The following ADARB2 variants were observed in gnomAD, a reference collection of about 807,000 sequenced individuals.
ADARB2 encodes inactive double-stranded RNA-specific editase B2.
A neutral mutation model predicts 62.2 loss-of-function variants in ADARB2; 25 were observed. The ratio of observed to expected loss-of-function variants is 0.40; its 90% CI spans 0.29 to 0.56. The LOEUF is 0.56. Ranked by LOEUF, ADARB2 falls within the 20% of genes least tolerant of loss-of-function variation. The pLI, the probability that ADARB2 is intolerant of heterozygous loss-of-function variation, is 0.43. For missense variants in ADARB2, 1,071 were observed against 1,077.4 expected, an observed-to-expected ratio of 0.99 and a Z score of 0.08; for synonymous variants, 572 against 500.8, an observed-to-expected ratio of 1.14 and a Z score of -1.90.
At chr10:1,341,863 C>T (rs1832032980) in intron 3 of ADARB2, among the ~76,000 whole-genome samples, 2 of 152,198 alleles carry the variant, frequency 1.3e-5, no homozygotes, top group Non-Finnish European at 2.9e-5. Context: ...CCCACAGCAG[C>T]GATAACCAGC....
At chr10:1,708,518 C>G (rs1159444932) in intron 1 of ADARB2, among the ~76,000 whole-genome samples, 9 of 152,286 alleles carry the variant, frequency 5.9e-5, no homozygotes, top group African/African-American at 1.7e-4. Context: ...TGGCAGACAA[C>G]AAGACACAAG....
At chr10:1,563,159 C>T (rs1348809167) in intron 1 of ADARB2, among the ~76,000 whole-genome samples, 2 of 151,322 alleles carry the variant, frequency 1.3e-5, no homozygotes, top group East Asian at 2.0e-4. Context: ...TGTGACCTCC[C>T]GCACCCTTTG....
At chr10:1,241,532 GGT>G (rs1830923615) in intron 5 of ADARB2, among the ~76,000 whole-genome samples, 1 of 152,156 alleles carries the variant, frequency 6.6e-6, no homozygotes, top group Admixed American at 6.5e-5. Flanking sequence ...CCAGCCTGGG[GGT>G]GTGTCGCGGA....
intron 3 of ADARB2, among the ~76,000 whole-genome samples, chr10:1,324,510 T>C (rs1831825691): frequency 6.6e-6 from 1 of 152,174 alleles, no homozygotes; most frequent in African/African-American, 2.4e-5. Flanking sequence ...GGTTAATGCT[T>C]AGACGAATTG....
chr10:1,669,659 G>A (rs1382183734), intron 1 of ADARB2, among the ~76,000 whole-genome samples: 1 of 135,546 alleles, frequency 7.4e-6, no homozygotes, highest in Non-Finnish European at 1.6e-5. Context: ...TACACACACA[G>A]GGAGACACAA....
chr10:1,353,855 G>C (rs1006105486), intron 3 of ADARB2, among the ~76,000 whole-genome samples: 1 of 152,116 alleles, frequency 6.6e-6, no homozygotes, highest in African/African-American at 2.4e-5. Context: ...AAGACACCCT[G>C]TATTTCACTC....
chr10:1,556,932 A>C (rs1223246393), intron 1 of ADARB2: 1 of 441,744 alleles, frequency 2.3e-6, no homozygotes, highest in Non-Finnish European at 4.7e-6. Context: ...TGGTGACCTC[A>C]ATATTTATGA....
chr10:1,213,232 C>T (rs1837182441), intron 7 of ADARB2, among the ~76,000 whole-genome samples: 1 of 151,498 alleles, frequency 6.6e-6, no homozygotes, highest in Admixed American at 6.6e-5. Flanking sequence ...GAGAAAGAGA[C>T]AGAGAGACAA....
chr10:1,574,565 C>T (rs1025633169), intron 1 of ADARB2, among the ~76,000 whole-genome samples: 8 of 152,018 alleles, frequency 5.3e-5, no homozygotes, highest in South Asian at 2.1e-4. Context: ...GTCAAGGTGT[C>T]GGCAGGGCTG....
At chr10:1,614,641 G>A (rs56688561) in intron 1 of ADARB2, among the ~76,000 whole-genome samples, 7,125 of 152,290 alleles carry the variant, frequency 0.047, 570 homozygotes, top group African/African-American at 0.16. Context: ...GCTGGGCATG[G>A]TGGCTTACGC....
intron 1 of ADARB2, among the ~76,000 whole-genome samples, chr10:1,452,282 T>A (rs950888025): frequency 2.6e-5 from 4 of 152,230 alleles, no homozygotes; most frequent in East Asian, 3.9e-4. Context: ...TCTAAGTCCA[T>A]GGCCCACAAA....
chr10:1,198,551 A>T (rs1286344323), intron 8 of ADARB2, among the ~76,000 whole-genome samples: 1 of 152,268 alleles, frequency 6.6e-6, no homozygotes, highest in Non-Finnish European at 1.5e-5. Flanking sequence ...CTGCAAAATA[A>T]TGAAAACCAG....
chr10:1,526,259 C>CCATT (rs1832140663), intron 1 of ADARB2, among the ~76,000 whole-genome samples: 2 of 152,012 alleles, frequency 1.3e-5, no homozygotes, highest in South Asian at 4.2e-4. Flanking sequence ...GCAGGTGGTG[C>CCATT]AGATGGGGCA....
intron 1 of ADARB2, among the ~76,000 whole-genome samples, chr10:1,381,710 C>T (rs2387658): frequency 9.3e-4 from 141 of 152,144 alleles, no homozygotes; most frequent in African/African-American, 3.3e-3. Context: ...AACTGGAGGA[C>T]CTCATCCTAA....
intron 1 of ADARB2, among the ~76,000 whole-genome samples, chr10:1,412,560 C>A (rs1489259518): frequency 6.6e-6 from 1 of 152,040 alleles, no homozygotes; most frequent in Admixed American, 6.6e-5. Context: ...TTCCTTTGAG[C>A]CAACGCATAA....
intron 1 of ADARB2, among the ~76,000 whole-genome samples, chr10:1,595,989 G>A (rs1408880130): frequency 6.6e-6 from 1 of 152,194 alleles, no homozygotes; most frequent in African/African-American, 2.4e-5. Context: ...CTCTGCCTAC[G>A]GCTTTGTGGT....
At chr10:1,715,645 T>C (rs924755385) in intron 1 of ADARB2, among the ~76,000 whole-genome samples, 2 of 152,160 alleles carry the variant, frequency 1.3e-5, no homozygotes, top group African/African-American at 4.8e-5. Context: ...AATCATATGC[T>C]AGTTCTTATT....
intron 1 of ADARB2, among the ~76,000 whole-genome samples, chr10:1,430,721 C>T (rs1370562055): frequency 2.0e-5 from 3 of 149,484 alleles, no homozygotes; most frequent in Middle Eastern, 3.4e-3. Context: ...ACCTGGGTGA[C>T]AGAGTGAGAC....
chr10:1,489,940 A>C (rs1344068033), intron 1 of ADARB2, among the ~76,000 whole-genome samples: 1 of 152,212 alleles, frequency 6.6e-6, no homozygotes, highest in East Asian at 1.9e-4. Flanking sequence ...ACATACTTTC[A>C]TATCATGAGG....
Sources: gnomAD v4.1 joint callset for allele counts (sites outside exome capture counted in the v4.1 genomes callset) on GRCh38, gnomAD v4.1.1 for gene constraint, MANE v1.5 for transcripts, NCBI Gene and HGNC (gene_info 2026-07-23, HGNC 2026-07-21) for gene names.